The following CNN1 variants were observed in gnomAD, a reference collection of about 807,000 sequenced individuals.
CNN1 encodes the protein calponin-1.
A neutral mutation model predicts 35.3 loss-of-function variants in CNN1; 21 were observed. The ratio of observed to expected loss-of-function variants is 0.60; its 90% CI spans 0.42 to 0.86. The LOEUF is 0.86. CNN1 is among the 40% of genes least tolerant of loss of function. The pLI, the probability that CNN1 is intolerant of heterozygous loss-of-function variation, is 0.00. For synonymous variants in CNN1, 164 were observed against 161.8 expected (o/e 1.01, Z -0.10); for missense variants, 314 against 400.8 (o/e 0.78, Z 1.85).
chr19:11,543,492 A>AATAATAATAATAATAAT (rs1334279829), intron 2 of CNN1, among the ~76,000 whole-genome samples: 18 of 142,720 alleles, frequency 1.3e-4, no homozygotes, highest in Non-Finnish European at 3.1e-5. Context: ...ATAATAATAA[A>AATAATAATAATAATAAT]AGAGTGGGCC....
rs377052541 is a variant in CNN1 at position 11,541,138 on chromosome 19, A to G, written c.126A>G (p.Thr42=). The change falls in exon 2 of 7, where the codon ACA becomes ACG. Residue 42 remains threonine, a synonymous_variant. Transcript: ENST00000252456. ...QELREWIEGV[T]GRRIGNNFMD... ...TGAGAGAGTGGATCGAGGGGGTGACAGGCCGTCGCATCGGCAACAACTTCA... is the reference window on the plus strand; with the variant it reads ...TGAGAGAGTGGATCGAGGGGGTGACGGGCCGTCGCATCGGCAACAACTTCA... The G allele has an allele frequency of 4.5e-5, 73 of 1,608,126 alleles. No individual in the cohort carries two copies. The African/African-American group carries it at 9.5e-4, about 21-fold the overall frequency.
intron 2 of CNN1, among the ~76,000 whole-genome samples, chr19:11,542,959 T>G (rs1972498637): frequency 6.6e-6 from 1 of 152,164 alleles, no homozygotes; most frequent in African/African-American, 2.4e-5. Context: ...AGAGTGACTG[T>G]GAGTGGCCTC....
chr19:11,542,204 T>TC (rs1260387581), intron 2 of CNN1: 1 of 148,188 alleles, frequency 6.7e-6, no homozygotes, highest in Non-Finnish European at 1.5e-5. Context: ...TTCTTCTTCT[T>TC]TTTTTTGAGA....
chr19:11,539,675 T>C, intron 1 of CNN1: 1 of 676,270 alleles, frequency 1.5e-6, no homozygotes. Context: ...GCCCCAACAG[T>C]ATTGCCGAGG....
chr19:11,543,576 C>G (rs1447496949), intron 2 of CNN1, among the ~76,000 whole-genome samples: 1 of 151,346 alleles, frequency 6.6e-6, no homozygotes, highest in Non-Finnish European at 1.5e-5. Context: ...GTCAGGAGAT[C>G]AAGACCATCC....
intron 2 of CNN1, among the ~76,000 whole-genome samples, 189 bp from the exon 3 acceptor site, chr19:11,546,486 C>T (rs1343617734): frequency 1.3e-5 from 2 of 152,076 alleles, no homozygotes; most frequent in African/African-American, 2.4e-5. Flanking sequence ...CAGGCATGTG[C>T]CACCACGCCT....
At chr19:11,548,899 A>T (rs1282120332) in intron 5 of CNN1, among the ~76,000 whole-genome samples, 2 of 152,000 alleles carry the variant, frequency 1.3e-5, no homozygotes, top group African/African-American at 4.8e-5. Flanking sequence ...AATAAACTAA[A>T]AAATGGGCCA....
chr19:11,547,698 G>A, intron 4 of CNN1, 99 bp from the exon 5 acceptor site: 4 of 942,602 alleles, frequency 4.2e-6, no homozygotes, highest in Non-Finnish European at 6.4e-6. Flanking sequence ...GGGCAACAGA[G>A]CGAGACTCTG....
rs1972624670 is a variant in CNN1, at chr19:11,547,825, TG to T, written c.422del (p.Gly141GlufsTer2). Reference protein sequence around the residue: ...MAKTKGNKVNVGVKYAEKQER... With the variant: ...MAKTKGNKVNXGVKYAEKQER... ...AAGACGAAAGGAAACAAGGTGAACG[TG>T]GGAGTGAAGTACGCAGAGAAGCAGG... On this transcript the variant is annotated frameshift_variant, in exon 5 of 7. Coordinates refer to ENST00000252456, the MANE Select transcript of CNN1 (RefSeq NM_001299.6). LOFTEE classifies it high-confidence loss of function. 6.2e-7 allele frequency: 1 copy of T among 1,613,736 alleles called. No individual in the cohort carries two copies. Among genetic ancestry groups the T allele is most frequent in the Non-Finnish European group, 8.5e-7 (1 of 1,179,938 alleles).
chr19:11,549,485 C>T lies in CNN1; in HGVS notation c.648+16C>T, dbSNP rs1187495215. On this transcript the variant is annotated intron_variant, in intron 6 of 6. Coordinates refer to ENST00000252456, the MANE Select transcript of CNN1 (RefSeq NM_001299.6). This position sits in a 1 kb window ranked among gnomAD's most constrained non-coding sequence, Gnocchi z 5.2. ...AGCCAGCCAGGTGAGTGGGGGCCCC[C>T]GGGACACGCCGTCAAGGCCCAGGAC... is the stretch of plus-strand genomic sequence containing the variant. 1.6e-5 allele frequency: 26 copies of T among 1,612,192 alleles called. No homozygotes were observed. The highest frequency in any genetic ancestry group is 2.2e-5 in the East Asian group (1 of 44,832).
At chr19:11,541,832 A>T (rs1324417294) in intron 2 of CNN1, 1 of 150,314 alleles carries the variant, frequency 6.7e-6, no homozygotes, top group Admixed American at 6.7e-5. Flanking sequence ...ACCTCAATTG[A>T]TCCACCTACC....
chr19:11,539,355 G>T lies in CNN1; in HGVS notation c.63+365G>T, dbSNP rs545806049. The T allele has an allele frequency of 1.3e-5, 14 of 1,080,740 alleles. No homozygotes were observed. In the Admixed American group the frequency reaches 3.5e-4, roughly 27 times the overall value. The allele number at this position is 1,080,740 out of a possible 1,614,324, so 66.9% of individuals were successfully genotyped here. A position where few individuals can be genotyped will look rare whatever the true frequency, so the allele number is the denominator to read the frequency against. ...CTGACAAAGAAATTGGGGAGCGCTT[G>T]AGTGCTGGGGTACCTGGGAAGTGAC... is the stretch of plus-strand genomic sequence containing the variant. On this transcript the variant is annotated intron_variant, in intron 1 of 6. Transcript: ENST00000252456.
intron 4 of CNN1, 50 bp from the exon 5 acceptor site, chr19:11,547,747 T>C: frequency 6.8e-7 from 1 of 1,474,822 alleles, no homozygotes; most frequent in Non-Finnish European, 9.4e-7. Context: ...AAGGGGACTG[T>C]GCAGCCTGGA....
rs1190861194 is a variant in CNN1, at chr19:11,549,815, T to C, written c.*20T>C. On this transcript the variant is annotated 3_prime_UTR_variant, in exon 7 of 7. Transcript: ENST00000252456. This position sits in a 1 kb window ranked among gnomAD's most constrained non-coding sequence, Gnocchi z 5.2. ...GCCTAGGGCCACAAGGCCTTCCCTG[T>C]TTTCCCCCCAAGGGAGGCTGCTGCT... 1 of 1,584,574 alleles carries C rather than the reference T, an allele frequency of 6.3e-7. No individual in the cohort carries two copies. The highest frequency in any genetic ancestry group is 1.7e-5 in the Admixed American group (1 of 58,362).
chr19:11,539,403 T>A (rs1040892209), intron 1 of CNN1: 2 of 1,070,790 alleles, frequency 1.9e-6, no homozygotes, highest in Admixed American at 5.1e-5. Context: ...TGGGAGATCC[T>A]GAAGACAGAG....
rs1972626909 is a variant in CNN1 at position 11,547,872 on chromosome 19, A to T, written c.466A>T (p.Lys156Ter). The change falls in exon 5 of 7, where the codon AAG becomes TAG. Residue 156 changes from lysine (K) to a stop codon, truncating the protein, a stop_gained. Transcript: ENST00000252456. LOFTEE classifies it high-confidence loss of function. ...GCAGGAGCGGAAATTCGAGCCGGGGAAGCTAAGAGAAGGGCGGAACATCAT... is the reference window on the plus strand; with the variant it reads ...GCAGGAGCGGAAATTCGAGCCGGGGTAGCTAAGAGAAGGGCGGAACATCAT... ...EKQERKFEPG[K>*]LREGRNIIGL... The T allele has an allele frequency of 6.2e-7, 1 of 1,614,038 alleles. No individual in the cohort carries two copies. The highest frequency in any genetic ancestry group is 8.5e-7 in the Non-Finnish European group (1 of 1,179,980).
rs148212518 is a variant in CNN1, at chr19:11,548,720, C to T, written c.502-603C>T. On this transcript the variant is annotated intron_variant, in intron 5 of 6. Transcript: ENST00000252456. The stretch of plus-strand genomic sequence containing the variant: ...GGTGTGGTGGGGCACACCTGTAGTC[C>T]CAGCTACTCAGGAGGCTGAGGCAGG... Among the ~76,000 whole-genome samples the T allele has an allele frequency of 4.9e-3, 746 of 151,882 alleles. 8 individuals carry two copies. Among genetic ancestry groups the T allele is most frequent in the African/African-American group, 0.017 (712 of 41,406 alleles).
intron 1 of CNN1, chr19:11,539,792 G>C: frequency 8.5e-7 from 1 of 1,174,662 alleles, no homozygotes; most frequent in Non-Finnish European, 1.1e-6. Context: ...CCTGGGTCGA[G>C]GGATCTCGGG....
intron 2 of CNN1, 44 bp downstream of exon 2, chr19:11,541,241 C>A: frequency 6.6e-7 from 1 of 1,505,714 alleles, no homozygotes; most frequent in Non-Finnish European, 8.9e-7. Flanking sequence ...CATCCCCCAA[C>A]TCCATGCAGC....
Sources: gnomAD v4.1 joint callset for allele counts (sites outside exome capture counted in the v4.1 genomes callset) on GRCh38, gnomAD v4.1.1 for gene constraint, Gnocchi (gnomAD v3.1) non-coding constraint, MANE v1.5 for transcripts, NCBI Gene and HGNC (gene_info 2026-07-23, HGNC 2026-07-21) for gene names.